NMD3: variants seen among roughly 807,000 people sequenced by gnomAD.
NMD3 encodes 60S ribosomal export protein NMD3.
Under a neutral mutation model 73.1 loss-of-function variants are expected in NMD3, and 47 were observed. That is an observed-to-expected ratio of 0.64 (90% CI 0.51 to 0.82). The LOEUF (loss-of-function observed/expected upper bound fraction) is 0.82. Among genes scored for constraint, NMD3 ranks in the 40% least tolerant of loss-of-function variants. NMD3 has a pLI of 0.00. For synonymous variants in NMD3, 210 were observed against 194.5 expected (o/e 1.08, Z -0.66); for missense variants, 554 against 612.5 (o/e 0.90, Z 1.01).
intron 11 of NMD3, among the ~76,000 whole-genome samples, chr3:161,245,333 A>G (rs1056829136): frequency 6.6e-6 from 1 of 152,052 alleles, no homozygotes; most frequent in Non-Finnish European, 1.5e-5. Context: ...TCAGGCAGAT[A>G]TAAAACCAGA....
rs767116737 is a variant in NMD3, at chr3:161,222,059, T to A, written c.44+2T>A. ...CACCGACCGCAGCCCTGGACACATG[T>A]GAGTGCGACACTTCTTCCTTCCCCC... On this transcript the variant is annotated splice_donor_variant, in intron 2 of 15. Transcript: ENST00000351193. LOFTEE classifies it high-confidence loss of function. The A allele has an allele frequency of 6.2e-7, 1 of 1,601,262 alleles. No homozygotes were observed. Among genetic ancestry groups the A allele is most frequent in the Non-Finnish European group, 8.5e-7 (1 of 1,173,992 alleles).
chr3:161,232,522 A>T (rs1428207579), intron 4 of NMD3, among the ~76,000 whole-genome samples: 1 of 152,092 alleles, frequency 6.6e-6, no homozygotes, highest in South Asian at 2.1e-4. Flanking sequence ...TTCTCATTAT[A>T]TCCATTGTTT....
At chr3:161,234,100 CATTAA>C (rs1043992476) in intron 5 of NMD3, among the ~76,000 whole-genome samples, 1 of 151,962 alleles carries the variant, frequency 6.6e-6, no homozygotes, top group Non-Finnish European at 1.5e-5. Flanking sequence ...GTTTGGGAAT[CATTAA>C]ATTAAGGAAT....
chr3:161,248,236 T>C (rs1164504173), intron 13 of NMD3, among the ~76,000 whole-genome samples: 2 of 152,066 alleles, frequency 1.3e-5, no homozygotes, highest in African/African-American at 4.8e-5. Flanking sequence ...ATGCCTGTAA[T>C]CCTAGCACTC....
chr3:161,222,458 C>A (rs575855270), intron 2 of NMD3, among the ~76,000 whole-genome samples: 44 of 152,114 alleles, frequency 2.9e-4, no homozygotes, highest in African/African-American at 1.0e-3. Context: ...CAATTCCCTG[C>A]CTCAGCCTCC....
chr3:161,227,222 T>A (rs371100073), intron 3 of NMD3, 25 bp from the exon 4 acceptor site: 9 of 1,432,930 alleles, frequency 6.3e-6, no homozygotes, highest in Non-Finnish European at 8.8e-6. Flanking sequence ...GATGTTGGAT[T>A]TCAGTATGTT....
At chr3:161,253,168 T>A (rs12495310), downstream of NMD3, 78,970 of 159,732 alleles carry the variant, frequency 0.49, 20,030 homozygotes, top group East Asian at 0.78. Context: ...GTAATTGAGA[T>A]GTTTAACAGC....
intron 1 of NMD3, 114 bp downstream of exon 1, chr3:161,221,523 G>A (rs1736079428): frequency 6.5e-6 from 1 of 152,704 alleles, no homozygotes; most frequent in Non-Finnish European, 1.5e-5. Flanking sequence ...CGCGTGCCCG[G>A]AACCCGTGTG....
downstream of NMD3, chr3:161,252,672 C>CT (rs1195095884): frequency 3.0e-5 from 16 of 532,776 alleles, no homozygotes; most frequent in African/African-American, 3.1e-4. Flanking sequence ...GTTGTTATGG[C>CT]TTGGGAAGGC....
At position 161,249,509 on chromosome 3, in the gene NMD3, A is replaced by T. The variant is rs1340984895; in HGVS notation, c.1259A>T (p.Lys420Ile). 1 of 1,613,012 alleles carries T rather than the reference A, an allele frequency of 6.2e-7. No individual in the cohort carries two copies. The highest frequency in any genetic ancestry group is 1.1e-5 in the South Asian group (1 of 91,016). Residue 420 changes from lysine (K) to isoleucine (I), a missense_variant, in exon 14 of 16, where the codon AAA becomes ATA. Lys to Ile is a moderately radical substitution (Grantham distance 102, BLOSUM62 -3). Coordinates refer to ENST00000351193, the MANE Select transcript of NMD3 (RefSeq NM_015938.5). The part of the protein sequence containing the change: ...RTKRQRRRNW[K>I]LKELAREREN... ...AAACGTCAGCGTCGTAGAAACTGGAAATTGAAAGAGCTTGCAAGAGAGAGA... is the reference window on the plus strand; with the variant it reads ...AAACGTCAGCGTCGTAGAAACTGGATATTGAAAGAGCTTGCAAGAGAGAGA...
intron 4 of NMD3, 74 bp from the exon 5 acceptor site, chr3:161,233,322 TTGA>T: frequency 1.1e-6 from 1 of 920,342 alleles, no homozygotes; most frequent in Non-Finnish European, 1.7e-6. Flanking sequence ...AATCTGCTTA[TTGA>T]TGATTTGTTC....
At chr3:161,243,158 A>G (rs1287226932) in intron 11 of NMD3, among the ~76,000 whole-genome samples, 1 of 152,192 alleles carries the variant, frequency 6.6e-6, no homozygotes, top group Non-Finnish European at 1.5e-5. Context: ...ACAACCCACA[A>G]TAGTACCAAA....
intron 13 of NMD3, among the ~76,000 whole-genome samples, chr3:161,248,378 T>C (rs1299234086): frequency 6.6e-6 from 1 of 151,992 alleles, no homozygotes; most frequent in African/African-American, 2.4e-5. Context: ...TAGTCCCAGC[T>C]ACTTAGGAGG....
At chr3:161,222,415 G>A (rs1224935397) in intron 2 of NMD3, among the ~76,000 whole-genome samples, 1 of 150,566 alleles carries the variant, frequency 6.6e-6, no homozygotes, top group Non-Finnish European at 1.5e-5. Flanking sequence ...GTGTGATCTC[G>A]GCTCACTGCA....
At chr3:161,237,732 T>A (rs1161349129) in intron 7 of NMD3, among the ~76,000 whole-genome samples, 1 of 151,736 alleles carries the variant, frequency 6.6e-6, no homozygotes, top group Non-Finnish European at 1.5e-5. Flanking sequence ...AGAGACGGGG[T>A]TTCACCAGAA....
chr3:161,234,887 A>G, intron 6 of NMD3, 32 bp downstream of exon 6: 1 of 1,606,696 alleles, frequency 6.2e-7, no homozygotes, highest in Non-Finnish European at 8.5e-7. Flanking sequence ...TGAGTCCTAC[A>G]TCTTATATTT....
At chr3:161,247,977 G>A (rs1737318566) in intron 13 of NMD3, among the ~76,000 whole-genome samples, 1 of 150,772 alleles carries the variant, frequency 6.6e-6, no homozygotes, top group Non-Finnish European at 1.5e-5. Context: ...GTAGAGACGG[G>A]GTCTTGTTAT....
intron 4 of NMD3, among the ~76,000 whole-genome samples, chr3:161,228,862 G>A (rs1736429759): frequency 6.6e-6 from 1 of 152,084 alleles, no homozygotes; most frequent in African/African-American, 2.4e-5. Context: ...TATATTAAAA[G>A]GTATATTCTG....
intron 9 of NMD3, 74 bp from the exon 10 acceptor site, chr3:161,240,972 G>T (rs1028085394): frequency 2.5e-6 from 2 of 798,368 alleles, no homozygotes; most frequent in East Asian, 2.7e-5. Flanking sequence ...ATTGGATTGG[G>T]TGTTTATTGA....
Sources: allele counts gnomAD v4.1 joint callset (sites outside exome capture counted in the v4.1 genomes callset), GRCh38; gene constraint gnomAD v4.1.1; transcripts MANE v1.5; gene names NCBI Gene and HGNC (gene_info 2026-07-23, HGNC 2026-07-21).